The following GRM1 variants were observed in gnomAD, a reference collection of about 807,000 sequenced individuals.
The protein encoded by GRM1 is glutamate metabotropic receptor 1.
GRM1 carries 33 observed loss-of-function variants against 90.9 expected under a neutral mutation model. The ratio of observed to expected loss-of-function variants is 0.36; its 90% confidence interval spans 0.28 to 0.49. The LOEUF (loss-of-function observed/expected upper bound fraction) is 0.49, where lower values mean the gene tolerates loss of function less well. Ranked by LOEUF, GRM1 falls within the 20% of genes least tolerant of loss-of-function variation. The probability of loss-of-function intolerance (pLI) is 0.99; values close to 1 mark genes in which losing one functional copy is unlikely to be tolerated. For synonymous variants in GRM1, 700 were observed against 613.2 expected (o/e 1.14, Z -2.09); for missense variants, 1,190 against 1,534.3 (o/e 0.78, Z 3.75).
rs1185232840 is a variant in GRM1, at chr6:146,267,702, G to GCTCGTCTCGT, written c.951-36860_951-36851dup. Among the ~76,000 whole-genome samples, 384 of 86,094 alleles carry GCTCGTCTCGT rather than the reference G, an allele frequency of 4.5e-3. 5 individuals are homozygous for GCTCGTCTCGT. The highest frequency in any genetic ancestry group is 0.017 in the Middle Eastern group (3 of 174). 56.5% of individuals were successfully genotyped at this position (86,094 alleles called of 152,430 possible). A position where few individuals can be genotyped will look rare whatever the true frequency, so the allele number is the denominator to read the frequency against. ...GCTGGGCTCGGCTCGGCTCGGCTCG[G>GCTCGTCTCGT]CTCGTCTCGTCTCGTCTCGTCTCGT... On this transcript the variant is annotated intron_variant, in intron 2 of 7. Transcript: ENST00000282753.
intron 2 of GRM1, among the ~76,000 whole-genome samples, chr6:146,260,668 T>C (rs1456765150): frequency 6.6e-6 from 1 of 152,070 alleles, no homozygotes; most frequent in Admixed American, 6.6e-5. Context: ...CGTGTGAAGT[T>C]GTATCTCATC....
At chr6:146,171,689 G>A in intron 2 of GRM1, 2 of 295,268 alleles carry the variant, frequency 6.8e-6, no homozygotes, top group South Asian at 4.5e-5. Flanking sequence ...ACTAGAGGAG[G>A]ACATGAAGAA....
Position 146,116,576 on chromosome 6 carries a change from T to C in GRM1, c.701-42772T>C, listed in dbSNP as rs1202745564. Reference sequence around the variant, plus strand: ...AAATCCACAGTGAATTGAGTGTGTATGTGTGTATATATTATATTTTTCCAG... The same window carrying C: ...AAATCCACAGTGAATTGAGTGTGTACGTGTGTATATATTATATTTTTCCAG... On this transcript the variant is annotated intron_variant, in intron 1 of 7. Coordinates refer to ENST00000282753, the MANE Select transcript of GRM1 (RefSeq NM_001278064.2). 8.5e-5 allele frequency among the ~76,000 whole-genome samples: 13 copies of C among 152,274 alleles called. No individual in the cohort carries two copies. In the East Asian group the frequency reaches 2.3e-3, roughly 27 times the overall value.
chr6:146,066,207 C>G lies in GRM1; in HGVS notation c.700+35990C>G, dbSNP rs1005932818. Among the ~76,000 whole-genome samples the G allele has an allele frequency of 5.9e-5, 9 of 152,206 alleles. 1 individual carries two copies. In the South Asian group the frequency reaches 1.9e-3, roughly 32 times the overall value. On this transcript the variant is annotated intron_variant, in intron 1 of 7. Transcript: ENST00000282753. Reference sequence around the variant, plus strand: ...TTACCCAACAGACAGTTTTTTCAACCCTTGTCTTCCTCCCTCCTTCCTCTC... The same window carrying G: ...TTACCCAACAGACAGTTTTTTCAACGCTTGTCTTCCTCCCTCCTTCCTCTC...
intron 5 of GRM1, among the ~76,000 whole-genome samples, chr6:146,376,201 TTTG>T (rs965146493): frequency 3.4e-4 from 52 of 152,168 alleles, no homozygotes; most frequent in African/African-American, 1.3e-3. Context: ...TTTTAAACTT[TTTG>T]TTGTTTCTAT....
chr6:146,166,016 T>C (rs1777891431), intron 2 of GRM1, among the ~76,000 whole-genome samples: 1 of 152,142 alleles, frequency 6.6e-6, no homozygotes, highest in South Asian at 2.1e-4. Flanking sequence ...AAAGGATTTC[T>C]GGTGCTGTCT....
intron 2 of GRM1, among the ~76,000 whole-genome samples, chr6:146,288,543 T>C (rs1782848617): frequency 6.6e-6 from 1 of 152,222 alleles, no homozygotes; most frequent in African/African-American, 2.4e-5. Flanking sequence ...TTTGCTCTTG[T>C]TGCCCAGACT....
At chr6:146,038,742 C>T (rs1457825425) in intron 1 of GRM1, among the ~76,000 whole-genome samples, 1 of 151,846 alleles carries the variant, frequency 6.6e-6, no homozygotes, top group Non-Finnish European at 1.5e-5. Context: ...GTTAAACAAT[C>T]AGAGACAGTT....
At chr6:146,079,153 GC>G (rs1776282453) in intron 1 of GRM1, among the ~76,000 whole-genome samples, 1 of 152,186 alleles carries the variant, frequency 6.6e-6, no homozygotes, top group Non-Finnish European at 1.5e-5. Flanking sequence ...GATCAGGGGA[GC>G]CCTTTTTACT....
chr6:146,395,932 A>G (rs1358325150), intron 6 of GRM1, among the ~76,000 whole-genome samples: 2 of 152,154 alleles, frequency 1.3e-5, no homozygotes, highest in East Asian at 3.9e-4. Context: ...AGCTAAAGAA[A>G]CTGACAATTC....
At chr6:146,234,436 T>A (rs997181167) in intron 2 of GRM1, among the ~76,000 whole-genome samples, 2 of 152,096 alleles carry the variant, frequency 1.3e-5, no homozygotes, top group African/African-American at 4.8e-5. Flanking sequence ...GGGTTTTCAA[T>A]GATTCATTTG....
At chr6:146,214,578 A>T (rs1314696109) in intron 2 of GRM1, among the ~76,000 whole-genome samples, 1 of 152,180 alleles carries the variant, frequency 6.6e-6, no homozygotes, top group Admixed American at 6.5e-5. Context: ...TCAATACAAT[A>T]GGTCATAATT....
intron 5 of GRM1, among the ~76,000 whole-genome samples, chr6:146,363,289 C>T (rs1203177382): frequency 6.6e-6 from 1 of 152,152 alleles, no homozygotes; most frequent in East Asian, 1.9e-4. Context: ...GAGCATTTGT[C>T]ATCAGCAACC....
At chr6:146,170,375 T>G (rs1382533673) in intron 2 of GRM1, among the ~76,000 whole-genome samples, 5 of 152,134 alleles carry the variant, frequency 3.3e-5, no homozygotes, top group Admixed American at 6.5e-5. Flanking sequence ...TTTCTCCACT[T>G]TTTCTGGTAC....
At chr6:146,363,606 T>C (rs972251703) in intron 5 of GRM1, among the ~76,000 whole-genome samples, 2 of 152,194 alleles carry the variant, frequency 1.3e-5, no homozygotes, top group Non-Finnish European at 1.5e-5. Flanking sequence ...TGTATACATA[T>C]GTGTGGGTAT....
At position 146,304,653 on chromosome 6, in the gene GRM1, G is replaced by T; in HGVS notation, c.993G>T (p.Glu331Asp). 6.2e-7 allele frequency: 1 copy of T among 1,613,926 alleles called. No individual in the cohort carries two copies. Among genetic ancestry groups the T allele is most frequent in the South Asian group, 1.1e-5 (1 of 91,080 alleles). ...ADRDEVIEGYEVEANGGITIK... is the reference protein window; with the variant it reads ...ADRDEVIEGYDVEANGGITIK... ...GAGATGAAGTCATTGAAGGTTATGAGGTGGAAGCCAACGGGGGAATCACGA... is the reference window on the plus strand; with the variant it reads ...GAGATGAAGTCATTGAAGGTTATGATGTGGAAGCCAACGGGGGAATCACGA... The change falls in exon 3 of 8, where the codon GAG becomes GAT. Residue 331 changes from glutamate to aspartate, a missense_variant. Around this residue, in one of 10 missense-constraint regions of GRM1, gnomAD observed 414 missense variants for 598.4 expected, o/e 0.69. Transcript: ENST00000282753.
At position 146,304,605 on chromosome 6, in the gene GRM1, T is replaced by A. The variant is rs758215901; in HGVS notation, c.951-6T>A. 38 of 1,596,044 alleles carry A rather than the reference T, an allele frequency of 2.4e-5. No individual in the cohort carries two copies. Among genetic ancestry groups the A allele is most frequent in the Middle Eastern group, 3.3e-4 (2 of 6,048 alleles). ...CTCTCCCTACCCCAATCCCTGCATT[T>A]TTTAGTGATGGATGGGCAGACAGAG... is the stretch of plus-strand genomic sequence containing the variant. On this transcript the variant is annotated splice_polypyrimidine_tract_variant and splice_region_variant and intron_variant, in intron 2 of 7. Transcript: ENST00000282753.
chr6:146,096,990 T>C (rs1257903168), intron 1 of GRM1, among the ~76,000 whole-genome samples: 2 of 152,146 alleles, frequency 1.3e-5, no homozygotes, highest in East Asian at 1.9e-4. Flanking sequence ...CAGGGAATGA[T>C]AGTTATGTTA....
rs377447047 is a variant in GRM1, at chr6:146,309,180, C to T, written c.1186+4334C>T. ...TTGGGAGGCTAAGGTGGGCAGATGG[C>T]TTGAGGTCAGGAGTTCGAGACCAGC... On this transcript the variant is annotated intron_variant, in intron 3 of 7. Coordinates refer to ENST00000282753, the MANE Select transcript of GRM1 (RefSeq NM_001278064.2). 6.6e-5 allele frequency among the ~76,000 whole-genome samples: 10 copies of T among 152,162 alleles called. No homozygotes were observed. In the East Asian group the frequency reaches 1.2e-3, roughly 18 times the overall value.
Sources: gnomAD v4.1 joint callset for allele counts (sites outside exome capture counted in the v4.1 genomes callset) on GRCh38, gnomAD v4.1.1 for gene constraint, gnomAD v4.1.1 regional missense constraint, MANE v1.5 for transcripts, NCBI Gene and HGNC (gene_info 2026-07-23, HGNC 2026-07-21) for gene names.